ANAPC2: variants seen among roughly 807,000 people sequenced by gnomAD.
ANAPC2 encodes anaphase promoting complex subunit 2, also known as anaphase-promoting complex subunit 2.
Under a neutral mutation model 84.3 loss-of-function variants are expected in ANAPC2, and 29 were observed. The ratio of observed to expected loss-of-function variants is 0.34; its 90% CI spans 0.26 to 0.47. The LOEUF (loss-of-function observed/expected upper bound fraction) is 0.47, where lower values mean the gene tolerates loss of function less well. Ranked by LOEUF, ANAPC2 falls within the 20% of genes least tolerant of loss-of-function variation. The pLI is 1.00. For synonymous variants in ANAPC2, 571 were observed against 479.4 expected, an observed-to-expected ratio of 1.19 and a Z score of -2.50; for missense variants, 857 against 1,131.7, an observed-to-expected ratio of 0.76 and a Z score of 3.48.
At chr9:137,184,277 G>A (rs1834407544) in intron 4 of ANAPC2, among the ~76,000 whole-genome samples, 1 of 150,758 alleles carries the variant, frequency 6.6e-6, no homozygotes, top group South Asian at 2.1e-4. Flanking sequence ...CACGGCGAAG[G>A]CACAGGGAGC....
chr9:137,178,517 G>A (rs1007415219), intron 10 of ANAPC2, among the ~76,000 whole-genome samples: 5 of 152,090 alleles, frequency 3.3e-5, no homozygotes, highest in African/African-American at 4.8e-5. Context: ...TGGAAGCAAC[G>A]CTGGAGAGCC....
At chr9:137,178,218 C>G (rs573713523) in intron 10 of ANAPC2, among the ~76,000 whole-genome samples, 1 of 82,766 alleles carries the variant, frequency 1.2e-5, no homozygotes, top group South Asian at 4.6e-4. Context: ...CCACAAACGC[C>G]GCCACTGGTC....
intron 10 of ANAPC2, chr9:137,176,055 G>A (rs1022627589): frequency 9.8e-5 from 52 of 529,182 alleles, no homozygotes; most frequent in Non-Finnish European, 1.0e-4. Context: ...GGTGTGTCCC[G>A]AAAAGGCTAC....
At chr9:137,177,858 G>A (rs999744039) in intron 10 of ANAPC2, among the ~76,000 whole-genome samples, 1 of 152,162 alleles carries the variant, frequency 6.6e-6, no homozygotes, top group African/African-American at 2.4e-5. Flanking sequence ...CACGGGCGAC[G>A]CGGCAGAGAC....
chr9:137,186,888 C>T (rs900431254), intron 2 of ANAPC2: 12 of 164,400 alleles, frequency 7.3e-5, no homozygotes, highest in Non-Finnish European at 1.1e-4. Context: ...AGGAGCACTC[C>T]TTTAGTCCAC....
In ANAPC2 at chr9:137,181,905, C is replaced by T. The variant is rs371722410; in HGVS notation, c.1287-43G>A. 1.1e-4 allele frequency: 169 copies of T among 1,564,596 alleles called. No individual in the cohort carries two copies. In the African/African-American group the frequency reaches 1.6e-3, roughly 15 times the overall value. On this transcript the variant is annotated intron_variant, in intron 6 of 12. Coordinates refer to ENST00000323927, the MANE Select transcript of ANAPC2 (RefSeq NM_013366.4). ...GCTGTGGCCCACAGTGTGGACACCC[C>T]GCGCGCACCTCCCACCACTCATTCC...
At chr9:137,180,412 C>A (rs775355974) in intron 9 of ANAPC2, 28 bp from the exon 10 acceptor site, 2 of 1,612,434 alleles carry the variant, frequency 1.2e-6, no homozygotes, top group African/African-American at 2.7e-5. Context: ...TCACGGGGGA[C>A]CTGCGGGGCG....
intron 5 of ANAPC2, chr9:137,183,446 C>T (rs1481201758): frequency 1.3e-6 from 1 of 759,246 alleles, no homozygotes; most frequent in East Asian, 2.7e-5. Context: ...AACTAAGTCT[C>T]ATCACCTCAG....
At position 137,185,092 on chromosome 9, in the gene ANAPC2, C is replaced by T. The variant is rs1425316573; in HGVS notation, c.874-5G>A. 6 of 1,535,324 alleles carry T rather than the reference C, an allele frequency of 3.9e-6. No individual in the cohort carries two copies. Among genetic ancestry groups the T allele is most frequent in the Non-Finnish European group, 5.3e-6 (6 of 1,140,852 alleles). ...GCCGACCACCCGCTCGATCCACTGT[C>T]AGGAGAACGCTAGTGTGAGCTGCAG... On this transcript the variant is annotated splice_polypyrimidine_tract_variant and splice_region_variant and intron_variant, in intron 3 of 12. Coordinates refer to ENST00000323927, the MANE Select transcript of ANAPC2 (RefSeq NM_013366.4).
At position 137,187,127 on chromosome 9, in the gene ANAPC2, G is replaced by A. The variant is rs1004695626; in HGVS notation, c.740+354C>T. 11 of 268,914 alleles carry A rather than the reference G, an allele frequency of 4.1e-5. No individual in the cohort carries two copies. The Admixed American group carries it at 4.3e-4, about 11-fold the overall frequency. 16.7% of individuals were successfully genotyped at this position (268,914 alleles called of 1,614,324 possible). ...AGCAAGCTTCTGTTCACAATTACAG[G>A]GCAAGGAATGTCGACGAGGGTGAGA... On this transcript the variant is annotated intron_variant, in intron 2 of 12. Coordinates refer to ENST00000323927, the MANE Select transcript of ANAPC2 (RefSeq NM_013366.4).
At chr9:137,175,910 A>G (rs1588755499) in intron 10 of ANAPC2, 73 bp from the exon 11 acceptor site, 5 of 1,496,474 alleles carry the variant, frequency 3.3e-6, no homozygotes, top group African/African-American at 1.4e-5. Flanking sequence ...GCCACCTGGT[A>G]CCAGTGAGAA....
chr9:137,184,737 C>G (rs1043601766), intron 4 of ANAPC2, among the ~76,000 whole-genome samples, 176 bp downstream of exon 4: 9 of 146,788 alleles, frequency 6.1e-5, no homozygotes, highest in Non-Finnish European at 3.0e-5. Context: ...ACACAGGGAG[C>G]CCAGACGCAG....
Position 137,183,042 on chromosome 9 carries a change from C to G in ANAPC2, c.1286+83G>C. The G allele has an allele frequency of 3.5e-6, 4 of 1,150,344 alleles. No homozygotes were observed. The South Asian group carries it at 3.9e-5, about 11-fold the overall frequency. The allele number at this position is 1,150,344 out of a possible 1,614,324, so 71.3% of individuals were successfully genotyped here. ...CTTGTGTCCTGACGGCCGAACACACCCTCCGGCTGCCCCCCAGGACCACGA... is the reference window on the plus strand; with the variant it reads ...CTTGTGTCCTGACGGCCGAACACACGCTCCGGCTGCCCCCCAGGACCACGA... On this transcript the variant is annotated intron_variant, in intron 6 of 12. Transcript: ENST00000323927.
At position 137,188,503 on chromosome 9, in the gene ANAPC2, C is replaced by T. The variant is rs1335147408; in HGVS notation, c.30G>A (p.Gly10=). The T allele has an allele frequency of 1.6e-5, 25 of 1,609,460 alleles. No individual in the cohort carries two copies. Among genetic ancestry groups the T allele is most frequent in the Non-Finnish European group, 2.0e-5 (23 of 1,179,408 alleles). Residue 10 remains glycine, a synonymous_variant, in exon 1 of 13, where the codon GGG becomes GGA. Transcript: ENST00000323927. MAAAVVVAE[G]DSDSRPGQEL... is the part of the protein sequence containing the mutation. Reference sequence around the variant, plus strand: ...CCTGTCCGGGCCGGGAGTCGCTGTCCCCCTCCGCCACCACAACTGCCGCCG... The same window carrying T: ...CCTGTCCGGGCCGGGAGTCGCTGTCTCCCTCCGCCACCACAACTGCCGCCG...
Position 137,185,817 on chromosome 9 carries a change from C to T in ANAPC2, c.873+407G>A, listed in dbSNP as rs548980130. Among the ~76,000 whole-genome samples the T allele has an allele frequency of 2.6e-5, 4 of 152,286 alleles. No homozygotes were observed. The South Asian group carries it at 8.3e-4, about 32-fold the overall frequency. On this transcript the variant is annotated intron_variant, in intron 3 of 12. Coordinates refer to ENST00000323927, the MANE Select transcript of ANAPC2 (RefSeq NM_013366.4). The stretch of plus-strand genomic sequence containing the variant: ...GCCCCATGTGAGGGTGTCTCGCTCC[C>T]CGCTGTGGTGCAGGCTGGCTGTAGG...
rs906600768 is a variant in ANAPC2 at position 137,187,318 on chromosome 9, C to T, written c.740+163G>A. The T allele has an allele frequency of 5.7e-6, 5 of 874,792 alleles. No homozygotes were observed. The Admixed American group carries it at 8.7e-5, about 15-fold the overall frequency. 54.2% of individuals were successfully genotyped at this position (874,792 alleles called of 1,614,324 possible). On this transcript the variant is annotated intron_variant, in intron 2 of 12. Coordinates refer to ENST00000323927, the MANE Select transcript of ANAPC2 (RefSeq NM_013366.4). ...AAGGTGAGTGACAGAAGAGAGACAC[C>T]TGTGTCCAGGACACGCTGCACAGGA... is the stretch of plus-strand genomic sequence containing the variant.
intron 4 of ANAPC2, among the ~76,000 whole-genome samples, 153 bp from the exon 5 acceptor site, chr9:137,183,944 ACT>A (rs1438526917): frequency 6.6e-6 from 1 of 151,944 alleles, no homozygotes; most frequent in Non-Finnish European, 1.5e-5. Context: ...TCCCCCCGAC[ACT>A]CTGGCGTGCT....
intron 10 of ANAPC2, 155 bp from the exon 11 acceptor site, chr9:137,175,992 G>A (rs77950683): frequency 1.1e-6 from 1 of 945,218 alleles, no homozygotes; most frequent in South Asian, 1.7e-5. Flanking sequence ...AGGACTGGGT[G>A]GGGTCCCCAC....
Position 137,186,605 on chromosome 9 carries a change from G to C in ANAPC2, c.741-249C>G. Reference sequence around the variant, plus strand: ...CGCCCAGCTGGCCTCTATCCAGGTAGGGACACTGGCCTTCCCCATGTGATC... The same window carrying C: ...CGCCCAGCTGGCCTCTATCCAGGTACGGACACTGGCCTTCCCCATGTGATC... On this transcript the variant is annotated intron_variant, in intron 2 of 12. Coordinates refer to ENST00000323927, the MANE Select transcript of ANAPC2 (RefSeq NM_013366.4). 3 of 524,204 alleles carry C rather than the reference G, an allele frequency of 5.7e-6. No homozygotes were observed. The South Asian group carries it at 8.9e-5, about 16-fold the overall frequency. 32.5% of individuals were successfully genotyped at this position (524,204 alleles called of 1,614,324 possible).
Sources: allele counts gnomAD v4.1 joint callset (sites outside exome capture counted in the v4.1 genomes callset), GRCh38; gene constraint gnomAD v4.1.1; transcripts MANE v1.5; gene names NCBI Gene and HGNC (gene_info 2026-07-23, HGNC 2026-07-21).